Variants in HS3ST2 observed in about 807,000 individuals in gnomAD.
The protein encoded by HS3ST2 is heparan sulfate glucosamine 3-O-sulfotransferase 2.
A neutral mutation model predicts 26.3 loss-of-function variants in HS3ST2; 17 were observed. The ratio of observed to expected loss-of-function variants is 0.65; its 90% CI spans 0.44 to 0.97. The LOEUF (loss-of-function observed/expected upper bound fraction) is 0.97. Among genes scored for constraint, HS3ST2 ranks in the 50% least tolerant of loss-of-function variants. HS3ST2 has a pLI of 0.00. For missense variants in HS3ST2, 402 were observed against 501.2 expected (o/e 0.80, Z 1.89); for synonymous variants, 237 against 219.2 (o/e 1.08, Z -0.72).
chr16:22,850,429 G>A lies in HS3ST2; in HGVS notation c.485+35334G>A, dbSNP rs79271994. The stretch of plus-strand genomic sequence containing the variant: ...AAACAACGCTAGAATTTAGTTGCTT[G>A]AACCATAATTTATTATTTCTCATGG... On this transcript the variant is annotated intron_variant, in intron 1 of 1. Transcript: ENST00000261374. 3.3e-3 allele frequency among the ~76,000 whole-genome samples: 500 copies of A among 152,268 alleles called. 3 individuals carry two copies. The highest frequency in any genetic ancestry group is 0.012 in the African/African-American group (479 of 41,554).
chr16:22,847,231 G>T (rs1392047448), intron 1 of HS3ST2, among the ~76,000 whole-genome samples: 1 of 152,074 alleles, frequency 6.6e-6, no homozygotes, highest in East Asian at 1.9e-4. Context: ...GAGAACATAT[G>T]GTATTTGGGT....
chr16:22,896,691 G>A (rs1173487518), intron 1 of HS3ST2, among the ~76,000 whole-genome samples: 5 of 151,954 alleles, frequency 3.3e-5, no homozygotes, highest in Non-Finnish European at 7.4e-5. Flanking sequence ...TATTCTTTTT[G>A]GTACTAGCTT....
chr16:22,816,319 G>T (rs1900867365), intron 1 of HS3ST2, among the ~76,000 whole-genome samples: 1 of 152,188 alleles, frequency 6.6e-6, no homozygotes, highest in Non-Finnish European at 1.5e-5. Flanking sequence ...ACAGCTTTAG[G>T]CAGTAGAGGT....
chr16:22,816,951 C>T (rs1900879890), intron 1 of HS3ST2, among the ~76,000 whole-genome samples: 1 of 152,112 alleles, frequency 6.6e-6, no homozygotes, highest in Non-Finnish European at 1.5e-5. Context: ...GACTCTCCTC[C>T]CTCCCCTCTC....
At chr16:22,840,347 T>C (rs1337264169) in intron 1 of HS3ST2, among the ~76,000 whole-genome samples, 2 of 152,194 alleles carry the variant, frequency 1.3e-5, no homozygotes, top group East Asian at 3.8e-4. Context: ...TAAAGAAACC[T>C]TTGCAATTTA....
At chr16:22,868,185 A>T (rs1901783002) in intron 1 of HS3ST2, among the ~76,000 whole-genome samples, 1 of 152,138 alleles carries the variant, frequency 6.6e-6, no homozygotes. Context: ...AGGTGGGCAG[A>T]TCACAAGGTC....
At chr16:22,840,778 G>A (rs763356436) in intron 1 of HS3ST2, among the ~76,000 whole-genome samples, 5 of 152,122 alleles carry the variant, frequency 3.3e-5, no homozygotes, top group Non-Finnish European at 5.9e-5. Context: ...TCTGGAGTAG[G>A]TGGTGACAGT....
chr16:22,905,916 T>C (rs1026606527), intron 1 of HS3ST2, among the ~76,000 whole-genome samples: 2 of 152,010 alleles, frequency 1.3e-5, no homozygotes, highest in African/African-American at 4.8e-5. Context: ...CCCACTGAAA[T>C]TGGAATGTAC....
At chr16:22,911,019 G>C (rs1902418332) in intron 1 of HS3ST2, among the ~76,000 whole-genome samples, 1 of 152,204 alleles carries the variant, frequency 6.6e-6, no homozygotes, top group South Asian at 2.1e-4. Context: ...TTCAGGCTGG[G>C]AGTGTATGAT....
chr16:22,874,358 G>A (rs952460545), intron 1 of HS3ST2, among the ~76,000 whole-genome samples: 1 of 152,226 alleles, frequency 6.6e-6, no homozygotes, highest in Non-Finnish European at 1.5e-5. Context: ...TTCAGAAGGT[G>A]AGATTTCCTC....
intron 1 of HS3ST2, among the ~76,000 whole-genome samples, chr16:22,827,577 C>T (rs1901107335): frequency 6.6e-6 from 1 of 151,712 alleles, no homozygotes; most frequent in Non-Finnish European, 1.5e-5. Context: ...CTGCATGGGG[C>T]AAGGTGTGAG....
intron 1 of HS3ST2, among the ~76,000 whole-genome samples, chr16:22,838,472 C>T (rs1901304196): frequency 6.6e-6 from 1 of 152,202 alleles, no homozygotes; most frequent in East Asian, 1.9e-4. Context: ...AATCATAGAC[C>T]ACAAACGGCC....
At chr16:22,857,313 C>T (rs1437504979) in intron 1 of HS3ST2, among the ~76,000 whole-genome samples, 1 of 152,166 alleles carries the variant, frequency 6.6e-6, no homozygotes, top group East Asian at 1.9e-4. Flanking sequence ...GTATGTTACC[C>T]AACCACCGTC....
At position 22,910,282 on chromosome 16, in the gene HS3ST2, G is replaced by C. The variant is rs1902409772; in HGVS notation, c.486-4662G>C. Among the ~76,000 whole-genome samples the C allele has an allele frequency of 2.0e-5, 3 of 152,308 alleles. No individual in the cohort carries two copies. The South Asian group carries it at 6.2e-4, about 32-fold the overall frequency. On this transcript the variant is annotated intron_variant, in intron 1 of 1. Transcript: ENST00000261374. ...ATTCTTTAGTGTATTGAAGGATATT[G>C]CAAAGGAATCTGTTTAATGGCAAGT...
intron 1 of HS3ST2, among the ~76,000 whole-genome samples, chr16:22,866,388 G>A (rs12597828): frequency 0.12 from 17,581 of 151,366 alleles, 1,657 homozygotes; most frequent in East Asian, 0.4. Flanking sequence ...GTGTGTGTGT[G>A]TGTGTGTGTG....
At position 22,915,087 on chromosome 16, in the gene HS3ST2, G is replaced by A. The variant is rs746835350; in HGVS notation, c.629G>A (p.Arg210His). Residue 210 changes from arginine to histidine, a missense_variant, in exon 2 of 2, where the codon CGT (arginine) becomes CAT (histidine). By Grantham distance (29) the Arg-to-His change is conservative. Coordinates refer to ENST00000261374, the MANE Select transcript of HS3ST2 (RefSeq NM_006043.2). ...LIVVVRNPVT[R>H]AISDYTQTLS... ...GTGGTTGTGCGGAACCCTGTGACCC[G>A]TGCCATCTCTGATTACACGCAGACA... 5.0e-6 allele frequency: 8 copies of A among 1,613,804 alleles called. No homozygotes were observed. Among genetic ancestry groups the A allele is most frequent in the South Asian group, 1.1e-5 (1 of 91,034 alleles).
intron 1 of HS3ST2, among the ~76,000 whole-genome samples, chr16:22,901,689 C>T (rs1361572262): frequency 6.6e-6 from 1 of 152,166 alleles, no homozygotes; most frequent in Non-Finnish European, 1.5e-5. Flanking sequence ...GCAGCAAAAA[C>T]ATTCCTTCAA....
intron 1 of HS3ST2, among the ~76,000 whole-genome samples, chr16:22,841,985 C>T (rs1232730932): frequency 6.6e-6 from 1 of 151,116 alleles, no homozygotes; most frequent in African/African-American, 2.4e-5. Context: ...TCTAGACAAT[C>T]TGTCTTTTTT....
chr16:22,814,867 C>T lies in HS3ST2; in HGVS notation c.257C>T (p.Pro86Leu). ...CCGACGCCCAGCGAGCCCAGCGCTC[C>T]CAGCGCGCCCGCCGCCGCCGTGCCC... ...SGPTPSEPSAPSAPAAAVPAP... is the reference protein window; with the variant it reads ...SGPTPSEPSALSAPAAAVPAP... The change falls in exon 1 of 2, where the codon CCC becomes CTC. Residue 86 changes from proline (P) to leucine (L), a missense_variant. Around this residue, in one of 2 missense-constraint regions of HS3ST2, gnomAD observed 165 missense variants for 154.6 expected, o/e 1.07. Coordinates refer to ENST00000261374, the MANE Select transcript of HS3ST2 (RefSeq NM_006043.2). 1 of 1,559,054 alleles carries T rather than the reference C, an allele frequency of 6.4e-7. No individual in the cohort carries two copies. The highest frequency in any genetic ancestry group is 2.4e-5 in the East Asian group (1 of 41,476).
Sources: gnomAD v4.1 joint callset for allele counts (sites outside exome capture counted in the v4.1 genomes callset) on GRCh38, gnomAD v4.1.1 for gene constraint, gnomAD v4.1.1 regional missense constraint, MANE v1.5 for transcripts, NCBI Gene and HGNC (gene_info 2026-07-23, HGNC 2026-07-21) for gene names.